The following AIG1 variants were observed in gnomAD, a reference collection of about 807,000 sequenced individuals.
AIG1 encodes androgen-induced gene 1 protein.
AIG1 carries 23 observed loss-of-function variants against 31.4 expected under a neutral mutation model. The observed-to-expected ratio is 0.73, with a 90% CI of 0.53 to 1.04. The LOEUF (loss-of-function observed/expected upper bound fraction) is 1.04, where lower values mean the gene tolerates loss of function less well. AIG1 is among the 50% of genes least tolerant of loss of function. The probability of loss-of-function intolerance (pLI) is 0.00; values close to 1 mark genes in which losing one functional copy is unlikely to be tolerated. For synonymous variants in AIG1, 100 were observed against 110.5 expected (o/e 0.90, Z 0.60); for missense variants, 274 against 295.0 (o/e 0.93, Z 0.52).
chr6:143,237,814 A>G (rs1793925234), intron 3 of AIG1, among the ~76,000 whole-genome samples: 1 of 152,268 alleles, frequency 6.6e-6, no homozygotes, highest in Non-Finnish European at 1.5e-5. Flanking sequence ...AAGTGAGAGA[A>G]AACATGACCA....
Position 143,077,929 on chromosome 6 carries a change from C to T in AIG1, c.141+16863C>T, listed in dbSNP as rs149220767. The stretch of plus-strand genomic sequence containing the variant: ...TATGTCTCTATCTACTGATGAGGAT[C>T]CTACTCCTTTAATACTACTGAAGAG... On this transcript the variant is annotated intron_variant, in intron 1 of 5. Transcript: ENST00000357847. 4.2e-3 allele frequency among the ~76,000 whole-genome samples: 645 copies of T among 152,304 alleles called. 14 individuals are homozygous for T. The highest frequency in any genetic ancestry group is 0.029 in the Admixed American group (441 of 15,286).
At chr6:143,216,796 C>T (rs963145968) in intron 3 of AIG1, among the ~76,000 whole-genome samples, 3 of 152,176 alleles carry the variant, frequency 2.0e-5, no homozygotes, top group Non-Finnish European at 2.9e-5. Flanking sequence ...ACAGTGTCTT[C>T]CCCAGCTGCG....
At chr6:143,241,995 C>T (rs1236104668) in intron 3 of AIG1, among the ~76,000 whole-genome samples, 5 of 152,188 alleles carry the variant, frequency 3.3e-5, no homozygotes, top group Admixed American at 6.5e-5. Flanking sequence ...AAAATTCAAA[C>T]TGCTTATGGT....
chr6:143,060,814 G>A (rs1242269447), upstream of AIG1: 1 of 27,848 alleles, frequency 3.6e-5, no homozygotes, highest in African/African-American at 1.6e-4. Context: ...GCCCCGCCCC[G>A]CCCCGCGCCC....
In AIG1 at chr6:143,270,659, G is replaced by T. The variant is rs562033879; in HGVS notation, c.400-13451G>T. ...TGTCATGGAATCATTGTGAAAAACA[G>T]CTAAGTTATAACTACTTTATATGTC... On this transcript the variant is annotated intron_variant, in intron 3 of 5. Coordinates refer to ENST00000357847, the MANE Select transcript of AIG1 (RefSeq NM_016108.4). 2.0e-5 allele frequency among the ~76,000 whole-genome samples: 3 copies of T among 152,294 alleles called. No homozygotes were observed. The East Asian group carries it at 5.8e-4, about 29-fold the overall frequency.
At chr6:143,208,803 A>G (rs1174905580) in intron 3 of AIG1, among the ~76,000 whole-genome samples, 1 of 152,028 alleles carries the variant, frequency 6.6e-6, no homozygotes, top group Admixed American at 6.6e-5. Context: ...TATCTGGAAA[A>G]TGATCTCCTA....
rs150574220 is a variant in AIG1, at chr6:143,278,494, A to G, written c.400-5616A>G. 8.6e-3 allele frequency among the ~76,000 whole-genome samples: 1,162 copies of G among 134,884 alleles called. 37 individuals carry two copies. The highest frequency in any genetic ancestry group is 0.059 in the Admixed American group (723 of 12,324). 88.5% of individuals were successfully genotyped at this position (134,884 alleles called of 152,430 possible). A position where few individuals can be genotyped will look rare whatever the true frequency, so the allele number is the denominator to read the frequency against. On this transcript the variant is annotated intron_variant, in intron 3 of 5. Transcript: ENST00000357847. ...TTTTTTTTTTTTCTTTTTGAGACTG[A>G]GTCTCGCTCTGTCACCCAGGCTGCA...
rs151100661 is a variant in AIG1, at chr6:143,180,396, C to T, written c.399+15213C>T. 3.4e-3 allele frequency among the ~76,000 whole-genome samples: 511 copies of T among 152,268 alleles called. 4 individuals carry two copies. Among genetic ancestry groups the T allele is most frequent in the African/African-American group, 0.012 (489 of 41,538 alleles). ...AGCATAGTCCCCAAAGGGCCATTTT[C>T]AGTTTGACAAGGAGAAGCACTGTCG... On this transcript the variant is annotated intron_variant, in intron 3 of 5. Transcript: ENST00000357847.
intron 4 of AIG1, among the ~76,000 whole-genome samples, chr6:143,308,820 C>A (rs1775017802): frequency 6.6e-6 from 1 of 152,146 alleles, no homozygotes; most frequent in African/African-American, 2.4e-5. Context: ...ATTTTAGTTA[C>A]TTTAATCTGT....
upstream of AIG1, chr6:143,060,598 G>A (rs537652848): frequency 5.6e-5 from 25 of 447,084 alleles, no homozygotes; most frequent in Non-Finnish European, 1.1e-4. Flanking sequence ...TGCCTAGGGG[G>A]CGCCTCCTGG....
At chr6:143,083,197 G>A (rs545097636) in intron 1 of AIG1, among the ~76,000 whole-genome samples, 11 of 152,358 alleles carry the variant, frequency 7.2e-5, no homozygotes, top group Non-Finnish European at 1.0e-4. Context: ...CACAAGTGGC[G>A]AGGAAGTTTA....
chr6:143,135,473 T>C (rs1415726437), intron 1 of AIG1, among the ~76,000 whole-genome samples: 1 of 152,178 alleles, frequency 6.6e-6, no homozygotes, highest in African/African-American at 2.4e-5. Context: ...AACACTTTTA[T>C]TGTGTCGTTC....
intron 4 of AIG1, among the ~76,000 whole-genome samples, chr6:143,294,263 G>A (rs1798268193): frequency 6.6e-6 from 1 of 152,100 alleles, no homozygotes; most frequent in Non-Finnish European, 1.5e-5. Flanking sequence ...TTACAACATT[G>A]CTCTTCTTGG....
chr6:143,112,356 A>G (rs984038569), intron 1 of AIG1, among the ~76,000 whole-genome samples: 6 of 152,192 alleles, frequency 3.9e-5, no homozygotes, highest in African/African-American at 2.4e-5. Context: ...ATTCCCCTGC[A>G]CACACCAGTC....
chr6:143,207,546 C>T (rs1019333455), intron 3 of AIG1, among the ~76,000 whole-genome samples: 1 of 151,032 alleles, frequency 6.6e-6, no homozygotes, highest in African/African-American at 2.4e-5. Flanking sequence ...ACACACACAC[C>T]CCTACTCCTT....
chr6:143,205,160 T>C (rs1791014663), intron 3 of AIG1, among the ~76,000 whole-genome samples: 1 of 152,178 alleles, frequency 6.6e-6, no homozygotes, highest in East Asian at 1.9e-4. Context: ...CCCTGGAAAA[T>C]ATGTCCATCT....
At chr6:143,317,830 A>T (rs1000555048) in intron 4 of AIG1, among the ~76,000 whole-genome samples, 1 of 152,196 alleles carries the variant, frequency 6.6e-6, no homozygotes, top group Non-Finnish European at 1.5e-5. Context: ...ACAAATCAGT[A>T]GCTTTTCTAT....
intron 3 of AIG1, among the ~76,000 whole-genome samples, chr6:143,276,222 A>G (rs1451448038): frequency 1.3e-5 from 2 of 152,234 alleles, no homozygotes; most frequent in East Asian, 3.8e-4. Flanking sequence ...GCATGTCTTA[A>G]TTAAGTGTGC....
At chr6:143,086,287 A>G (rs887870560) in intron 1 of AIG1, among the ~76,000 whole-genome samples, 1 of 152,210 alleles carries the variant, frequency 6.6e-6, no homozygotes, top group African/African-American at 2.4e-5. Context: ...TATCAATTAT[A>G]GGTTTTAAAT....
Sources: gnomAD v4.1 joint callset for allele counts (sites outside exome capture counted in the v4.1 genomes callset) on GRCh38, gnomAD v4.1.1 for gene constraint, MANE v1.5 for transcripts, NCBI Gene and HGNC (gene_info 2026-07-23, HGNC 2026-07-21) for gene names.